Variants in INPP4A observed in about 807,000 individuals in gnomAD.
INPP4A encodes inositol polyphosphate-4-phosphatase, type I, 107kD.
Under a neutral mutation model 119.8 loss-of-function variants are expected in INPP4A, and 33 were observed. The observed-to-expected ratio is 0.28, with a 90% CI of 0.21 to 0.37. The LOEUF (loss-of-function observed/expected upper bound fraction) is 0.37, where lower values mean the gene tolerates loss of function less well. Among genes scored for constraint, INPP4A ranks in the 10% least tolerant of loss-of-function variants. The pLI is 1.00. For missense variants in INPP4A, 956 were observed against 1,289.9 expected, an observed-to-expected ratio of 0.74 and a Z score of 3.97; for synonymous variants, 496 against 500.7, an observed-to-expected ratio of 0.99 and a Z score of 0.12.
At chr2:98,475,613 G>GT (rs1484734846) in intron 1 of INPP4A, among the ~76,000 whole-genome samples, 3 of 152,172 alleles carry the variant, frequency 2.0e-5, no homozygotes, top group East Asian at 1.9e-4. Context: ...CAGATACTTT[G>GT]TTTTTTTGCT....
chr2:98,493,337 C>CA lies in INPP4A; in HGVS notation c.-165-25626dup, dbSNP rs770150033. 2.6e-5 allele frequency among the ~76,000 whole-genome samples: 4 copies of CA among 152,204 alleles called. No homozygotes were observed. The East Asian group carries it at 5.8e-4, about 22-fold the overall frequency. The stretch of plus-strand genomic sequence containing the variant: ...GACTTCCTGGTGACTGATGATCACA[C>CA]ACCTCTCATGATACTAAGTTTTCCT... On this transcript the variant is annotated intron_variant, in intron 1 of 24. Coordinates refer to ENST00000409851, the MANE Select transcript of INPP4A (RefSeq NM_001134225.2).
chr2:98,445,113 G>C (rs1341064160), intron 1 of INPP4A, 28 bp downstream of exon 1: 3 of 150,470 alleles, frequency 2.0e-5, no homozygotes, highest in African/African-American at 7.3e-5. Flanking sequence ...GGCAGGAGGC[G>C]ACGCGGCCGC....
rs181999367 is a variant in INPP4A, at chr2:98,469,707, G to A, written c.-166+24622G>A. On this transcript the variant is annotated intron_variant, in intron 1 of 24. Transcript: ENST00000409851. Reference sequence around the variant, plus strand: ...TAATCCCAGCTACTTGGGAGGCTGAGGCAGGAGAATCCCTTGAACCTGGGA... The same window carrying A: ...TAATCCCAGCTACTTGGGAGGCTGAAGCAGGAGAATCCCTTGAACCTGGGA... Among the ~76,000 whole-genome samples the A allele has an allele frequency of 5.7e-3, 856 of 150,504 alleles. 1 individual carries two copies. Among genetic ancestry groups the A allele is most frequent in the Non-Finnish European group, 0.01 (682 of 67,772 alleles).
rs1442272423 is a variant in INPP4A, at chr2:98,570,007, C to G, written c.2518+1339C>G. ...TAGGGGGGTTTGGGCTGAGGATGCA[C>G]TCCTCAGCGGCCACGTGCAGCTGGC... On this transcript the variant is annotated intron_variant, in intron 22 of 24. Transcript: ENST00000409851. The surrounding 1 kb of genome is among the most constrained non-coding windows in gnomAD (Gnocchi z 4.3). Among the ~76,000 whole-genome samples the G allele has an allele frequency of 1.3e-5, 2 of 152,120 alleles. No homozygotes were observed. Among genetic ancestry groups the G allele is most frequent in the South Asian group, 2.1e-4 (1 of 4,822 alleles).
chr2:98,579,129 T>C (rs1389291333), intron 24 of INPP4A, among the ~76,000 whole-genome samples: 1 of 152,026 alleles, frequency 6.6e-6, no homozygotes, highest in Non-Finnish European at 1.5e-5. Context: ...CTTGGCTCAC[T>C]GCATCCTCCA....
chr2:98,546,559 A>G lies in INPP4A; in HGVS notation c.1055-27A>G, dbSNP rs1264185456. 2 of 1,539,600 alleles carry G rather than the reference A, an allele frequency of 1.3e-6. No individual in the cohort carries two copies. The highest frequency in any genetic ancestry group is 1.8e-6 in the Non-Finnish European group (2 of 1,112,918). On this transcript the variant is annotated intron_variant, in intron 12 of 24. Coordinates refer to ENST00000409851, the MANE Select transcript of INPP4A (RefSeq NM_001134225.2). The surrounding 1 kb of genome is among the most constrained non-coding windows in gnomAD (Gnocchi z 4.2). The stretch of plus-strand genomic sequence containing the variant: ...TTGTCCACAGGCCTGAGCCCAGAGT[A>G]ATGGAGGAGAGCTTTCTGTCATTCA...
chr2:98,536,356 C>T (rs925184897), intron 7 of INPP4A, 148 bp downstream of exon 7: 18 of 606,738 alleles, frequency 3.0e-5, no homozygotes, highest in Non-Finnish European at 4.2e-5. Flanking sequence ...TCTATTGAGG[C>T]GAAACAAATT....
chr2:98,558,496 C>T (rs1390900556), intron 16 of INPP4A, among the ~76,000 whole-genome samples: 3 of 152,174 alleles, frequency 2.0e-5, no homozygotes, highest in Non-Finnish European at 4.4e-5. Flanking sequence ...TCTCTTTCCC[C>T]TTTGCCAGTT....
At chr2:98,586,501 A>G (rs1273335622) in intron 24 of INPP4A, among the ~76,000 whole-genome samples, 1 of 152,262 alleles carries the variant, frequency 6.6e-6, no homozygotes, top group Non-Finnish European at 1.5e-5. Flanking sequence ...GCATAAAACC[A>G]TCAAGTTATA....
chr2:98,446,914 A>G (rs1253586266), intron 1 of INPP4A, among the ~76,000 whole-genome samples: 2 of 152,174 alleles, frequency 1.3e-5, no homozygotes, highest in Non-Finnish European at 2.9e-5. Flanking sequence ...CTATTTGTAA[A>G]CTGTAGAGCA....
chr2:98,550,161 C>G (rs1693241144), intron 13 of INPP4A, among the ~76,000 whole-genome samples: 1 of 152,056 alleles, frequency 6.6e-6, no homozygotes, highest in South Asian at 2.1e-4. Context: ...CTCTGAGGAC[C>G]CTCCATAGCC....
At chr2:98,465,823 G>GT (rs1382564987) in intron 1 of INPP4A, among the ~76,000 whole-genome samples, 1 of 152,120 alleles carries the variant, frequency 6.6e-6, no homozygotes, top group Non-Finnish European at 1.5e-5. Context: ...AGGGCCTGTG[G>GT]TTTTTCCTCC....
chr2:98,533,634 G>A, intron 5 of INPP4A, 139 bp downstream of exon 5: 1 of 610,016 alleles, frequency 1.6e-6, no homozygotes, highest in East Asian at 2.7e-5. Context: ...TGGGTTTTCA[G>A]TACATTGATA....
intron 1 of INPP4A, among the ~76,000 whole-genome samples, chr2:98,514,432 C>T (rs1685720104): frequency 1.3e-5 from 2 of 152,074 alleles, no homozygotes; most frequent in Non-Finnish European, 2.9e-5. Flanking sequence ...AATGAGATGA[C>T]TGGTGGCTGG....
chr2:98,520,484 T>A (rs1336157059), intron 3 of INPP4A, among the ~76,000 whole-genome samples: 5 of 152,130 alleles, frequency 3.3e-5, no homozygotes, highest in Non-Finnish European at 5.9e-5. Context: ...GATGTGTAGA[T>A]CTGAGGAGGA....
chr2:98,509,216 A>C (rs113504456), intron 1 of INPP4A, among the ~76,000 whole-genome samples: 3 of 152,322 alleles, frequency 2.0e-5, no homozygotes, highest in African/African-American at 7.2e-5. Flanking sequence ...GCAGGAGTCC[A>C]CAGTCCCCGG....
chr2:98,507,437 C>T (rs1018975509), intron 1 of INPP4A, among the ~76,000 whole-genome samples: 3 of 152,156 alleles, frequency 2.0e-5, no homozygotes, highest in African/African-American at 7.2e-5. Context: ...TTAAGAAACA[C>T]GTGCTGTAGG....
Position 98,570,842 on chromosome 2 carries a change from A to T in INPP4A, c.2519-1973A>T, listed in dbSNP as rs1329673076. Reference sequence around the variant, plus strand: ...GTTCTTGTCCTGCTCAACATGAGAGAGGTGAGCACAGAACCGGGGCCTTGA... The same window carrying T: ...GTTCTTGTCCTGCTCAACATGAGAGTGGTGAGCACAGAACCGGGGCCTTGA... On this transcript the variant is annotated intron_variant, in intron 22 of 24. Coordinates refer to ENST00000409851, the MANE Select transcript of INPP4A (RefSeq NM_001134225.2). The surrounding 1 kb of genome is among the most constrained non-coding windows in gnomAD (Gnocchi z 4.3). Among the ~76,000 whole-genome samples, 1 of 152,108 alleles carries T rather than the reference A, an allele frequency of 6.6e-6. No individual in the cohort carries two copies. Among genetic ancestry groups the T allele is most frequent in the Non-Finnish European group, 1.5e-5 (1 of 67,996 alleles).
chr2:98,450,138 C>T (rs936948712), intron 1 of INPP4A, among the ~76,000 whole-genome samples: 18 of 152,010 alleles, frequency 1.2e-4, no homozygotes, highest in African/African-American at 4.1e-4. Flanking sequence ...GGAACCCAAG[C>T]TTTTCTGAGT....
Sources: allele counts gnomAD v4.1 joint callset (sites outside exome capture counted in the v4.1 genomes callset), GRCh38; gene constraint gnomAD v4.1.1; non-coding constraint Gnocchi (gnomAD v3.1); transcripts MANE v1.5; gene names NCBI Gene and HGNC (gene_info 2026-07-23, HGNC 2026-07-21).